GALNT18: variants seen among roughly 807,000 people sequenced by gnomAD.
The protein encoded by GALNT18 is polypeptide N-acetylgalactosaminyltransferase 18.
GALNT18 carries 44 observed loss-of-function variants against 69.5 expected under a neutral mutation model. The observed-to-expected ratio is 0.63, with a 90% confidence interval of 0.50 to 0.81. GALNT18 has a LOEUF of 0.81. Ranked by LOEUF, GALNT18 falls within the 40% of genes least tolerant of loss-of-function variation. The pLI, the probability that GALNT18 is intolerant of heterozygous loss-of-function variation, is 0.00. For synonymous variants in GALNT18, 364 were observed against 318.2 expected, an observed-to-expected ratio of 1.14 and a Z score of -1.53; for missense variants, 715 against 810.0, an observed-to-expected ratio of 0.88 and a Z score of 1.42.
In GALNT18 at chr11:11,315,755, C is replaced by A. The variant is rs961345898; in HGVS notation, c.1512+11331G>T. On this transcript the variant is annotated intron_variant, in intron 9 of 10. Transcript: ENST00000227756. This position sits in a 1 kb window ranked among gnomAD's most constrained non-coding sequence, Gnocchi z 5.6. ...TTAGAAAGATCAGATCACTTGCCCCCGTCATACATGTGGTACGGGCAGAAC... is the reference window on the plus strand; with the variant it reads ...TTAGAAAGATCAGATCACTTGCCCCAGTCATACATGTGGTACGGGCAGAAC... Among the ~76,000 whole-genome samples, 2 of 152,146 alleles carry A rather than the reference C, an allele frequency of 1.3e-5. No homozygotes were observed. The highest frequency in any genetic ancestry group is 1.5e-5 in the Non-Finnish European group (1 of 68,030).
intron 1 of GALNT18, among the ~76,000 whole-genome samples, chr11:11,553,309 T>C (rs1446845191): frequency 6.6e-6 from 1 of 152,196 alleles, no homozygotes; most frequent in African/African-American, 2.4e-5. Flanking sequence ...TCCCACCTGC[T>C]GCAGGATTTC....
rs1182780623 is a variant in GALNT18, at chr11:11,496,303, C to T, written c.236-47367G>A. Among the ~76,000 whole-genome samples, 1 of 152,144 alleles carries T rather than the reference C, an allele frequency of 6.6e-6. No homozygotes were observed. The highest frequency in any genetic ancestry group is 1.5e-5 in the Non-Finnish European group (1 of 68,032). On this transcript the variant is annotated intron_variant, in intron 1 of 10. Coordinates refer to ENST00000227756, the MANE Select transcript of GALNT18 (RefSeq NM_198516.3). This position sits in a 1 kb window ranked among gnomAD's most constrained non-coding sequence, Gnocchi z 4.0. The stretch of plus-strand genomic sequence containing the variant: ...GGCCCCTCTTCTGTGGTTCACCTAT[C>T]ACCAAAAACCCTAGCATCAGCAACA...
intron 9 of GALNT18, among the ~76,000 whole-genome samples, chr11:11,301,078 A>G (rs1849486249): frequency 6.6e-6 from 1 of 152,128 alleles, no homozygotes; most frequent in Admixed American, 6.5e-5. Flanking sequence ...GAGGGTATCC[A>G]TAGGAGGGCA....
Position 11,339,800 on chromosome 11 carries a change from G to T in GALNT18, c.1278+1019C>A, listed in dbSNP as rs2133055623. Among the ~76,000 whole-genome samples the T allele has an allele frequency of 6.6e-6, 1 of 152,192 alleles. No homozygotes were observed. The highest frequency in any genetic ancestry group is 3.4e-3 in the Middle Eastern group (1 of 292). On this transcript the variant is annotated intron_variant, in intron 7 of 10. Transcript: ENST00000227756. This position sits in a 1 kb window ranked among gnomAD's most constrained non-coding sequence, Gnocchi z 5.2. Reference sequence around the variant, plus strand: ...ACGGTGGTGGTGTGGCTGGGAGGTGGGCTAAAAGCTCCCACCCATGAACCA... The same window carrying T: ...ACGGTGGTGGTGTGGCTGGGAGGTGTGCTAAAAGCTCCCACCCATGAACCA...
At chr11:11,610,543 GT>G (rs1008341310) in intron 1 of GALNT18, among the ~76,000 whole-genome samples, 3 of 151,818 alleles carry the variant, frequency 2.0e-5, no homozygotes, top group African/African-American at 7.2e-5. Flanking sequence ...TTCCTCACTG[GT>G]TTTTTTTCCC....
At position 11,356,208 on chromosome 11, in the gene GALNT18, G is replaced by A. The variant is rs2133073840; in HGVS notation, c.1093-15204C>T. ...TTATGAATATCGGATCTTGTCCAAG[G>A]AAAACCACAGCAGTGTCAGAGGAGG... On this transcript the variant is annotated intron_variant, in intron 6 of 10. Transcript: ENST00000227756. The surrounding 1 kb of genome is among the most constrained non-coding windows in gnomAD (Gnocchi z 4.4). Among the ~76,000 whole-genome samples the A allele has an allele frequency of 6.6e-6, 1 of 152,304 alleles. No homozygotes were observed. Among genetic ancestry groups the A allele is most frequent in the African/African-American group, 2.4e-5 (1 of 41,564 alleles).
chr11:11,484,655 T>C (rs1408155991), intron 1 of GALNT18, among the ~76,000 whole-genome samples: 1 of 148,968 alleles, frequency 6.7e-6, no homozygotes, highest in Non-Finnish European at 1.5e-5. Context: ...CAGGGGTCTC[T>C]CTGCTGCCTT....
Position 11,564,133 on chromosome 11 carries a change from G to A in GALNT18, c.235+57226C>T, listed in dbSNP as rs1280308078. On this transcript the variant is annotated intron_variant, in intron 1 of 10. Coordinates refer to ENST00000227756, the MANE Select transcript of GALNT18 (RefSeq NM_198516.3). The surrounding 1 kb of genome is among the most constrained non-coding windows in gnomAD (Gnocchi z 4.3). Reference sequence around the variant, plus strand: ...CCCCATTTTACAGTTGAAGGAACTTGAGCATAGAGAGGTAGAACAACTTTC... The same window carrying A: ...CCCCATTTTACAGTTGAAGGAACTTAAGCATAGAGAGGTAGAACAACTTTC... Among the ~76,000 whole-genome samples, 1 of 152,160 alleles carries A rather than the reference G, an allele frequency of 6.6e-6. No individual in the cohort carries two copies. Among genetic ancestry groups the A allele is most frequent in the African/African-American group, 2.4e-5 (1 of 41,426 alleles).
intron 3 of GALNT18, among the ~76,000 whole-genome samples, chr11:11,397,723 A>G (rs1047894053): frequency 1.3e-5 from 2 of 150,606 alleles, no homozygotes; most frequent in East Asian, 2.0e-4. Flanking sequence ...CACCTGCTTC[A>G]GCCTCCCAAA....
intron 10 of GALNT18, among the ~76,000 whole-genome samples, chr11:11,273,927 C>T (rs1589994875): frequency 6.6e-6 from 1 of 152,152 alleles, no homozygotes; most frequent in Non-Finnish European, 1.5e-5. Flanking sequence ...CGGTCTGCAG[C>T]TCTAAGAGAG....
rs181734214 is a variant in GALNT18, at chr11:11,466,371, A to G, written c.236-17435T>C. 2.1e-3 allele frequency among the ~76,000 whole-genome samples: 322 copies of G among 152,376 alleles called. 1 individual carries two copies. The highest frequency in any genetic ancestry group is 3.4e-3 in the Non-Finnish European group (233 of 68,046). On this transcript the variant is annotated intron_variant, in intron 1 of 10. Coordinates refer to ENST00000227756, the MANE Select transcript of GALNT18 (RefSeq NM_198516.3). ...AGGTATCACAAATGAAAACAAATAG[A>G]AACAATGGCCATTTTGAAATATGAT...
At chr11:11,524,782 T>C (rs1054326061) in intron 1 of GALNT18, among the ~76,000 whole-genome samples, 1 of 152,256 alleles carries the variant, frequency 6.6e-6, no homozygotes, top group Non-Finnish European at 1.5e-5. Context: ...GGAGAACCAG[T>C]CCATACCATT....
At chr11:11,345,756 G>A (rs759787615) in intron 6 of GALNT18, among the ~76,000 whole-genome samples, 2 of 152,156 alleles carry the variant, frequency 1.3e-5, no homozygotes, top group Non-Finnish European at 2.9e-5. Flanking sequence ...ACGGCAGGTA[G>A]CTGGGTACCA....
At chr11:11,607,847 C>T (rs1203784501) in intron 1 of GALNT18, among the ~76,000 whole-genome samples, 1 of 152,220 alleles carries the variant, frequency 6.6e-6, no homozygotes, top group African/African-American at 2.4e-5. Flanking sequence ...CCCTGCATGA[C>T]TCTTCCACCA....
At chr11:11,371,836 G>A (rs941950264) in intron 6 of GALNT18, among the ~76,000 whole-genome samples, 1 of 152,200 alleles carries the variant, frequency 6.6e-6, no homozygotes, top group Non-Finnish European at 1.5e-5. Context: ...ACCGGCCAAG[G>A]GGGAAGAGCC....
chr11:11,421,140 G>A lies in GALNT18; in HGVS notation c.595+11481C>T, dbSNP rs1279400909. ...TCTCTAAGACAGTTTCCTGTATCGAGTAAAGGGGACAAGAGGAGTGATGAG... is the reference window on the plus strand; with the variant it reads ...TCTCTAAGACAGTTTCCTGTATCGAATAAAGGGGACAAGAGGAGTGATGAG... On this transcript the variant is annotated intron_variant, in intron 3 of 10. Coordinates refer to ENST00000227756, the MANE Select transcript of GALNT18 (RefSeq NM_198516.3). This position sits in a 1 kb window ranked among gnomAD's most constrained non-coding sequence, Gnocchi z 5.6. Among the ~76,000 whole-genome samples the A allele has an allele frequency of 1.3e-5, 2 of 152,126 alleles. No individual in the cohort carries two copies. Among genetic ancestry groups the A allele is most frequent in the African/African-American group, 4.8e-5 (2 of 41,424 alleles).
chr11:11,587,100 C>T lies in GALNT18; in HGVS notation c.235+34259G>A, dbSNP rs139032092. ...CCAGCACCCATTATCCTGACCCCTC[C>T]CCCAGTATCCAAACCTTCCCCAAGA... On this transcript the variant is annotated intron_variant, in intron 1 of 10. Transcript: ENST00000227756. This position sits in a 1 kb window ranked among gnomAD's most constrained non-coding sequence, Gnocchi z 4.4. Among the ~76,000 whole-genome samples the T allele has an allele frequency of 3.0e-3, 464 of 152,304 alleles. 2 individuals carry two copies. Among genetic ancestry groups the T allele is most frequent in the African/African-American group, 0.011 (446 of 41,554 alleles).
intron 10 of GALNT18, among the ~76,000 whole-genome samples, chr11:11,284,908 G>GTTTTGTTTTTTTTTTT (rs1849162050): frequency 1.2e-5 from 1 of 82,822 alleles, no homozygotes; most frequent in African/African-American, 6.1e-5. Context: ...AGACTTTCGT[G>GTTTTGTTTTTTTTTTT]TTTTTTTTTT....
rs181480974 is a variant in GALNT18, at chr11:11,541,693, C to T, written c.235+79666G>A. ...CTAGTAAGGCCCCCTTCCCAGCCCCCACACCTCTATTGCCCCAAAGCGTCG... is the reference window on the plus strand; with the variant it reads ...CTAGTAAGGCCCCCTTCCCAGCCCCTACACCTCTATTGCCCCAAAGCGTCG... On this transcript the variant is annotated intron_variant, in intron 1 of 10. Coordinates refer to ENST00000227756, the MANE Select transcript of GALNT18 (RefSeq NM_198516.3). This position sits in a 1 kb window ranked among gnomAD's most constrained non-coding sequence, Gnocchi z 4.8. 8.3e-4 allele frequency among the ~76,000 whole-genome samples: 126 copies of T among 152,262 alleles called. No individual in the cohort carries two copies. The highest frequency in any genetic ancestry group is 2.9e-3 in the African/African-American group (119 of 41,546).
Sources: gnomAD v4.1 joint callset for allele counts (sites outside exome capture counted in the v4.1 genomes callset) on GRCh38, gnomAD v4.1.1 for gene constraint, Gnocchi (gnomAD v3.1) non-coding constraint, MANE v1.5 for transcripts, NCBI Gene and HGNC (gene_info 2026-07-23, HGNC 2026-07-21) for gene names.